ZBTB40: variants seen among roughly 807,000 people sequenced by gnomAD.
ZBTB40 encodes zinc finger and BTB domain containing 40, also known as zinc finger and BTB domain-containing protein 40.
ZBTB40 carries 60 observed loss-of-function variants against 117.5 expected under a neutral mutation model. The observed-to-expected ratio is 0.51, with a 90% CI of 0.41 to 0.63. The LOEUF (loss-of-function observed/expected upper bound fraction) is 0.63, where lower values mean the gene tolerates loss of function less well. Among genes scored for constraint, ZBTB40 ranks in the 30% least tolerant of loss-of-function variants. ZBTB40 has a pLI of 0.00. For synonymous variants in ZBTB40, 525 were observed against 577.1 expected (o/e 0.91, Z 1.29); for missense variants, 1,287 against 1,498.5 (o/e 0.86, Z 2.33).
chr1:22,504,637 CAT>C lies in ZBTB40; in HGVS notation c.1168-1411_1168-1410del, dbSNP rs543214920. Reference sequence around the variant, plus strand: ...TAACATAGTCATTTCTTAAAGATCACATGTGTCCTAGGAGTTAGGCAAGGCCC... The same window carrying C: ...TAACATAGTCATTTCTTAAAGATCACGTGTCCTAGGAGTTAGGCAAGGCCC... On this transcript the variant is annotated intron_variant, in intron 5 of 17. Transcript: ENST00000375647. Among the ~76,000 whole-genome samples the C allele has an allele frequency of 2.3e-4, 35 of 152,324 alleles. 2 individuals carry two copies. In the South Asian group the frequency reaches 6.8e-3, roughly 30 times the overall value.
At chr1:22,465,325 G>A (rs951021932) in intron 1 of ZBTB40, among the ~76,000 whole-genome samples, 6 of 152,194 alleles carry the variant, frequency 3.9e-5, no homozygotes, top group African/African-American at 1.4e-4. Context: ...AGCAGAGAGG[G>A]TAGCTCCTCT....
At chr1:22,507,739 C>T (rs1006247405) in intron 6 of ZBTB40, among the ~76,000 whole-genome samples, 2 of 152,172 alleles carry the variant, frequency 1.3e-5, no homozygotes, top group African/African-American at 4.8e-5. Context: ...CTAATTACCC[C>T]CCTGGTGAGC....
intron 1 of ZBTB40, among the ~76,000 whole-genome samples, chr1:22,464,032 C>T (rs1186188935): frequency 6.6e-6 from 1 of 152,228 alleles, no homozygotes; most frequent in East Asian, 1.9e-4. Context: ...AGTGGTGGGG[C>T]AGTGATCATG....
chr1:22,526,779 A>G lies in ZBTB40; in HGVS notation c.*383A>G, dbSNP rs1639690843. On this transcript the variant is annotated 3_prime_UTR_variant, in exon 18 of 18. Coordinates refer to ENST00000375647, the MANE Select transcript of ZBTB40 (RefSeq NM_014870.4). ...TGTGCCGACAGCGCTCAGTGGGCAG[A>G]ATGGCAGTTAGATATGGGACTTGGC... is the stretch of plus-strand genomic sequence containing the variant. 6.3e-6 allele frequency: 2 copies of G among 317,654 alleles called. No individual in the cohort carries two copies. The highest frequency in any genetic ancestry group is 1.2e-5 in the Non-Finnish European group (2 of 161,468). The allele number at this position is 317,654 out of a possible 1,614,324, so 19.7% of individuals were successfully genotyped here.
intron 15 of ZBTB40, 55 bp downstream of exon 15, chr1:22,521,713 C>T (rs951545067): frequency 5.5e-5 from 88 of 1,609,490 alleles, no homozygotes; most frequent in Non-Finnish European, 7.3e-5. Context: ...GTGTAGCCTC[C>T]TGGGCCCCAC....
At chr1:22,518,209 A>T (rs1639426990) in intron 13 of ZBTB40, among the ~76,000 whole-genome samples, 1 of 152,188 alleles carries the variant, frequency 6.6e-6, no homozygotes. Flanking sequence ...CAGGGGAGTT[A>T]AGAGCTTGGA....
intron 3 of ZBTB40, 97 bp from the exon 4 acceptor site, chr1:22,501,395 G>C (rs767490100): frequency 5.6e-5 from 75 of 1,340,182 alleles, no homozygotes; most frequent in Non-Finnish European, 7.1e-5. Context: ...AGAAGCTGGC[G>C]GGAATCAAAC....
Position 22,528,451 on chromosome 1 carries a change from A to G in ZBTB40, c.*2055A>G, listed in dbSNP as rs1225655243. 1 of 152,426 alleles carries G rather than the reference A, an allele frequency of 6.6e-6. No homozygotes were observed. The highest frequency in any genetic ancestry group is 1.9e-4 in the East Asian group (1 of 5,322). The allele number at this position is 152,426 out of a possible 1,614,324, so 9.4% of individuals were successfully genotyped here. ...AAAAAGAAAAAACAAACAACAACAA[A>G]AAAAACTCTTCGGAATAAAGAGGGC... is the stretch of plus-strand genomic sequence containing the variant. On this transcript the variant is annotated 3_prime_UTR_variant, in exon 18 of 18. Transcript: ENST00000375647.
chr1:22,440,613 T>A (rs1222349642), intron 1 of ZBTB40, among the ~76,000 whole-genome samples: 1 of 152,250 alleles, frequency 6.6e-6, no homozygotes, highest in East Asian at 1.9e-4. Context: ...GTGCATTTTT[T>A]ATATATGGCT....
chr1:22,431,362 TTG>T (rs1179435023), intron 1 of ZBTB40, among the ~76,000 whole-genome samples: 35 of 112,852 alleles, frequency 3.1e-4, no homozygotes, highest in African/African-American at 1.3e-3. Context: ...CATATATATT[TTG>T]TGTGTGTGTG....
chr1:22,471,692 A>G (rs944784809), intron 1 of ZBTB40, among the ~76,000 whole-genome samples: 1 of 152,230 alleles, frequency 6.6e-6, no homozygotes, highest in Non-Finnish European at 1.5e-5. Flanking sequence ...GGCAAAAAAG[A>G]TGTTTTAATC....
intron 3 of ZBTB40, among the ~76,000 whole-genome samples, chr1:22,491,965 G>A (rs1464148262): frequency 6.6e-6 from 1 of 152,144 alleles, no homozygotes; most frequent in Non-Finnish European, 1.5e-5. Flanking sequence ...TAATATTTAG[G>A]AATAACAGTG....
chr1:22,438,152 A>C (rs1640694051), intron 1 of ZBTB40, among the ~76,000 whole-genome samples: 1 of 151,248 alleles, frequency 6.6e-6, no homozygotes, highest in Admixed American at 6.6e-5. Flanking sequence ...AACCCAAAAA[A>C]CTCTATACCC....
At chr1:22,466,481 A>C (rs1421569350) in intron 1 of ZBTB40, among the ~76,000 whole-genome samples, 3 of 152,164 alleles carry the variant, frequency 2.0e-5, no homozygotes, top group Admixed American at 6.5e-5. Context: ...CAGGGGTGGC[A>C]CCATCTTATG....
intron 1 of ZBTB40, among the ~76,000 whole-genome samples, chr1:22,439,121 C>T (rs1212739460): frequency 5.9e-5 from 9 of 152,168 alleles, no homozygotes; most frequent in Admixed American, 3.9e-4. Flanking sequence ...CCGCCTTGGC[C>T]CCCCAAAGTG....
intron 9 of ZBTB40, among the ~76,000 whole-genome samples, chr1:22,510,462 G>A (rs920454979): frequency 1.3e-5 from 2 of 152,142 alleles, no homozygotes; most frequent in Non-Finnish European, 2.9e-5. Context: ...GGGACATCAG[G>A]TTTATTTAGA....
At position 22,501,655 on chromosome 1, in the gene ZBTB40, CAGA is replaced by C. The variant is rs1272428948; in HGVS notation, c.999_1001del (p.Glu333del). ...AAAACAGCACTATTAGACAGGAAGC[CAGA>C]AGATGTAGACACAGTGCAGCCAAAA... On this transcript the variant is annotated inframe_deletion, in exon 4 of 18. Transcript: ENST00000375647. 6.2e-7 allele frequency: 1 copy of C among 1,613,816 alleles called. No individual in the cohort carries two copies. The highest frequency in any genetic ancestry group is 8.5e-7 in the Non-Finnish European group (1 of 1,179,976).
At chr1:22,480,513 T>C (rs888228590) in intron 1 of ZBTB40, among the ~76,000 whole-genome samples, 6 of 151,954 alleles carry the variant, frequency 3.9e-5, no homozygotes, top group African/African-American at 1.2e-4. Context: ...TTGTTGTTGT[T>C]GTCGTTTTTT....
intron 1 of ZBTB40, among the ~76,000 whole-genome samples, chr1:22,487,772 C>A (rs185886362): frequency 9.7e-4 from 147 of 152,250 alleles, no homozygotes; most frequent in Non-Finnish European, 1.8e-3. Context: ...GACCACATGA[C>A]TTTGCTGCTT....
Sources: gnomAD v4.1 joint callset for allele counts (sites outside exome capture counted in the v4.1 genomes callset) on GRCh38, gnomAD v4.1.1 for gene constraint, MANE v1.5 for transcripts, NCBI Gene and HGNC (gene_info 2026-07-23, HGNC 2026-07-21) for gene names.